Variants in DPP10 observed in about 807,000 individuals in gnomAD.
DPP10 encodes the protein inactive dipeptidyl peptidase 10.
A neutral mutation model predicts 120.9 loss-of-function variants in DPP10; 33 were observed. The ratio of observed to expected loss-of-function variants is 0.27; its 90% confidence interval spans 0.21 to 0.37. The LOEUF (loss-of-function observed/expected upper bound fraction) is 0.37. DPP10 is among the 10% of genes least tolerant of loss of function. The pLI is 1.00. For missense variants in DPP10, 816 were observed against 942.8 expected (o/e 0.87, Z 1.76); for synonymous variants, 337 against 326.1 (o/e 1.03, Z -0.36).
At chr2:115,768,176 C>A in intron 12 of DPP10, 121 bp from the exon 13 acceptor site, 4 of 758,012 alleles carry the variant, frequency 5.3e-6, no homozygotes, top group Non-Finnish European at 8.0e-6. Flanking sequence ...AAATAATGTG[C>A]CCATTTTCCT....
In DPP10 at chr2:115,680,740, T is replaced by C. The variant is rs148198676; in HGVS notation, c.442-8947T>C. 3.3e-5 allele frequency among the ~76,000 whole-genome samples: 5 copies of C among 152,052 alleles called. No individual in the cohort carries two copies. In the East Asian group the frequency reaches 9.6e-4, roughly 29 times the overall value. ...AACATATAAAGTTTTAAAAATTATCTGTGGAAAACACACAAAATGAAAACA... is the reference window on the plus strand; with the variant it reads ...AACATATAAAGTTTTAAAAATTATCCGTGGAAAACACACAAAATGAAAACA... On this transcript the variant is annotated intron_variant, in intron 5 of 25. Transcript: ENST00000410059.
chr2:115,662,489 C>T (rs1213503207), intron 5 of DPP10, among the ~76,000 whole-genome samples: 1 of 151,222 alleles, frequency 6.6e-6, no homozygotes, highest in South Asian at 2.1e-4. Context: ...TACCAATTCA[C>T]ATTTCTCAAA....
intron 1 of DPP10, among the ~76,000 whole-genome samples, chr2:114,841,536 GA>G (rs374138596): frequency 1.4e-5 from 2 of 142,980 alleles, no homozygotes; most frequent in East Asian, 4.1e-4. Context: ...GAAAGTCAGA[GA>G]ATGGGGAGAG....
intron 1 of DPP10, among the ~76,000 whole-genome samples, chr2:114,514,574 G>T (rs1360858955): frequency 6.6e-6 from 1 of 152,104 alleles, no homozygotes. Flanking sequence ...ATGCCCTCAG[G>T]ATTTAACTTA....
intron 1 of DPP10, among the ~76,000 whole-genome samples, chr2:114,757,238 GAAGGAAGGAAAGAAAGGGAAGAGGGAGA>G (rs375620001): frequency 0.041 from 5,988 of 146,328 alleles, 179 homozygotes; most frequent in South Asian, 0.079. Flanking sequence ...GAAGAGGGAG[GAAGGAAGGAAAGAAAGGGAAGAGGGAGA>G]AAGGAAGGAA....
At position 114,567,265 on chromosome 2, in the gene DPP10, C is replaced by G. The variant is rs959613210; in HGVS notation, c.60+124427C>G. ...CTAAAGATGACCTTGTTGAAATCCTCTGAAGCTGTGAGTATGCTGTCTTAC... is the reference window on the plus strand; with the variant it reads ...CTAAAGATGACCTTGTTGAAATCCTGTGAAGCTGTGAGTATGCTGTCTTAC... On this transcript the variant is annotated intron_variant, in intron 1 of 25. Coordinates refer to ENST00000410059, the MANE Select transcript of DPP10 (RefSeq NM_020868.6). Among the ~76,000 whole-genome samples the G allele has an allele frequency of 4.9e-4, 74 of 152,262 alleles. 1 individual carries two copies. The highest frequency in any genetic ancestry group is 1.8e-3 in the African/African-American group (74 of 41,546).
chr2:115,177,119 A>C (rs2105108136), intron 1 of DPP10, among the ~76,000 whole-genome samples: 1 of 152,310 alleles, frequency 6.6e-6, no homozygotes, highest in Non-Finnish European at 1.5e-5. Flanking sequence ...TGACTTTTTA[A>C]TTGTGCATAT....
At chr2:114,878,001 C>T (rs1691297480) in intron 1 of DPP10, among the ~76,000 whole-genome samples, 1 of 151,896 alleles carries the variant, frequency 6.6e-6, no homozygotes, top group African/African-American at 2.4e-5. Context: ...ATCAGAGTGC[C>T]CCACTCTCTA....
intron 8 of DPP10, among the ~76,000 whole-genome samples, chr2:115,739,375 A>G (rs2149688371): frequency 6.6e-6 from 1 of 152,168 alleles, no homozygotes; most frequent in South Asian, 2.1e-4. Flanking sequence ...GGTAGAATGC[A>G]AATATGATTA....
intron 1 of DPP10, among the ~76,000 whole-genome samples, chr2:114,974,305 G>A (rs1221817312): frequency 6.6e-6 from 1 of 151,878 alleles, no homozygotes; most frequent in Non-Finnish European, 1.5e-5. Context: ...AAATACCATT[G>A]TGTTACAATT....
intron 3 of DPP10, among the ~76,000 whole-genome samples, chr2:115,430,295 A>G (rs577582475): frequency 1.3e-5 from 2 of 152,306 alleles, no homozygotes; most frequent in South Asian, 4.1e-4. Flanking sequence ...TAAGATTGCT[A>G]CAATGCTGCC....
chr2:115,800,699 TC>T (rs1431903154), intron 19 of DPP10, among the ~76,000 whole-genome samples: 5 of 152,196 alleles, frequency 3.3e-5, no homozygotes, highest in Admixed American at 6.5e-5. Context: ...GGGAATCCTT[TC>T]CCCATTGCTT....
chr2:115,084,612 T>C (rs947067913), intron 1 of DPP10, among the ~76,000 whole-genome samples: 1 of 152,200 alleles, frequency 6.6e-6, no homozygotes, highest in Non-Finnish European at 1.5e-5. Context: ...CATATGGTGC[T>C]AGCTCAGATT....
chr2:114,641,700 A>G (rs1198466476), intron 1 of DPP10, among the ~76,000 whole-genome samples: 1 of 151,988 alleles, frequency 6.6e-6, no homozygotes, highest in African/African-American at 2.4e-5. Context: ...ACTATTCAGT[A>G]GTTAGAATAA....
chr2:115,276,321 A>G (rs144132927), intron 1 of DPP10, among the ~76,000 whole-genome samples: 81 of 152,280 alleles, frequency 5.3e-4, no homozygotes, highest in Middle Eastern at 6.8e-3. Flanking sequence ...GATAATTTGT[A>G]AATAGCCTGT....
chr2:114,648,853 T>A (rs1696344282), intron 1 of DPP10, among the ~76,000 whole-genome samples: 1 of 152,206 alleles, frequency 6.6e-6, no homozygotes, highest in African/African-American at 2.4e-5. Context: ...GAAGCCACTA[T>A]CCATTTAAGT....
rs1285495809 is a variant in DPP10 at position 115,585,748 on chromosome 2, AT to A, written c.441+59784del. On this transcript the variant is annotated intron_variant, in intron 5 of 25. Transcript: ENST00000410059. ...TTTAGTTTATATTTCTAGTTTAGTGATTTTTTTTAACATAAGCAAATACATA... is the reference window on the plus strand; with the variant it reads ...TTTAGTTTATATTTCTAGTTTAGTGATTTTTTTAACATAAGCAAATACATA... Among the ~76,000 whole-genome samples, 7 of 151,984 alleles carry A rather than the reference AT, an allele frequency of 4.6e-5. No homozygotes were observed. In the East Asian group the frequency reaches 1.2e-3, roughly 25 times the overall value.
At chr2:114,838,107 A>T (rs1687880907) in intron 1 of DPP10, among the ~76,000 whole-genome samples, 1 of 152,182 alleles carries the variant, frequency 6.6e-6, no homozygotes, top group Non-Finnish European at 1.5e-5. Context: ...AAAGACCTGA[A>T]GGACCATGTG....
At chr2:115,083,261 C>T (rs1708422291) in intron 1 of DPP10, among the ~76,000 whole-genome samples, 1 of 152,148 alleles carries the variant, frequency 6.6e-6, no homozygotes. Context: ...TCAATGACCA[C>T]TTTGTATAAA....
Sources: gnomAD v4.1 joint callset for allele counts (sites outside exome capture counted in the v4.1 genomes callset) on GRCh38, gnomAD v4.1.1 for gene constraint, MANE v1.5 for transcripts, NCBI Gene and HGNC (gene_info 2026-07-23, HGNC 2026-07-21) for gene names.